The following SHISA6 variants were observed in gnomAD, a reference collection of about 807,000 sequenced individuals.
The protein encoded by SHISA6 is shisa family member 6, also known as protein shisa-6.
In SHISA6, 22 loss-of-function variants were observed where a neutral mutation model predicts 47.9. That is an observed-to-expected ratio of 0.46 (90% CI 0.33 to 0.66). The LOEUF (loss-of-function observed/expected upper bound fraction) is 0.66. Among genes scored for constraint, SHISA6 ranks in the 30% least tolerant of loss-of-function variants. The pLI is 0.02. For missense variants in SHISA6, 680 were observed against 764.6 expected, an observed-to-expected ratio of 0.89 and a Z score of 1.30; for synonymous variants, 388 against 337.8, an observed-to-expected ratio of 1.15 and a Z score of -1.63.
At chr17:11,522,703 C>T (rs55947597) in intron 3 of SHISA6, among the ~76,000 whole-genome samples, 581 of 152,286 alleles carry the variant, frequency 3.8e-3, no homozygotes, top group Non-Finnish European at 6.5e-3. Flanking sequence ...TGGCCTCAAG[C>T]GATCCTCCCG....
chr17:11,406,861 T>G (rs1464962957), intron 3 of SHISA6, among the ~76,000 whole-genome samples: 1 of 152,216 alleles, frequency 6.6e-6, no homozygotes, highest in Non-Finnish European at 1.5e-5. Context: ...ATAATTGGAA[T>G]ATCCAGTCCT....
At chr17:11,350,812 A>G (rs1343189735) in intron 2 of SHISA6, among the ~76,000 whole-genome samples, 1 of 152,202 alleles carries the variant, frequency 6.6e-6, no homozygotes, top group Non-Finnish European at 1.5e-5. Context: ...GCATGGCATA[A>G]AATCATTCTA....
At chr17:11,319,888 T>G (rs984180403) in intron 2 of SHISA6, among the ~76,000 whole-genome samples, 2 of 152,204 alleles carry the variant, frequency 1.3e-5, no homozygotes, top group African/African-American at 4.8e-5. Context: ...TACTGCAGTG[T>G]TAAAAACAAT....
intron 2 of SHISA6, among the ~76,000 whole-genome samples, chr17:11,355,587 C>T (rs1912053528): frequency 6.6e-6 from 1 of 152,156 alleles, no homozygotes; most frequent in Non-Finnish European, 1.5e-5. Flanking sequence ...CAAGCCATGG[C>T]AGAACAAAAC....
At chr17:11,413,100 CCA>C (rs1296701040) in intron 3 of SHISA6, among the ~76,000 whole-genome samples, 1 of 152,126 alleles carries the variant, frequency 6.6e-6, no homozygotes, top group Non-Finnish European at 1.5e-5. Flanking sequence ...GTGGCTTCCT[CCA>C]CACACAGATC....
intron 2 of SHISA6, among the ~76,000 whole-genome samples, chr17:11,351,504 A>C (rs1911891183): frequency 1.3e-5 from 2 of 152,140 alleles, no homozygotes; most frequent in South Asian, 4.1e-4. Flanking sequence ...CAACTCAAGC[A>C]TTACCTCCTC....
intron 2 of SHISA6, among the ~76,000 whole-genome samples, chr17:11,327,628 C>T (rs1025448604): frequency 2.0e-5 from 3 of 152,172 alleles, no homozygotes; most frequent in African/African-American, 7.2e-5. Context: ...AAAACCCCGT[C>T]TCCACTAAAA....
chr17:11,359,290 T>C (rs1912184418), intron 2 of SHISA6, among the ~76,000 whole-genome samples: 1 of 152,248 alleles, frequency 6.6e-6, no homozygotes, highest in South Asian at 2.1e-4. Flanking sequence ...AATTTAAGGC[T>C]ATAACTAAAC....
chr17:11,545,077 G>A (rs1040132050), intron 3 of SHISA6, among the ~76,000 whole-genome samples: 3 of 149,604 alleles, frequency 2.0e-5, no homozygotes, highest in Non-Finnish European at 4.4e-5. Context: ...ACCTGCACAC[G>A]AATGTTGACA....
At chr17:11,297,972 G>A (rs913049043) in intron 2 of SHISA6, among the ~76,000 whole-genome samples, 1 of 152,174 alleles carries the variant, frequency 6.6e-6, no homozygotes, top group Admixed American at 6.5e-5. Context: ...AATGATACTT[G>A]AGGTGAGGTT....
At chr17:11,308,940 C>T (rs1475256842) in intron 2 of SHISA6, among the ~76,000 whole-genome samples, 3 of 152,148 alleles carry the variant, frequency 2.0e-5, no homozygotes, top group Non-Finnish European at 4.4e-5. Flanking sequence ...TGGGCACTGC[C>T]AGTGGAGCAC....
chr17:11,528,098 G>T lies in SHISA6; in HGVS notation c.896-23798G>T, dbSNP rs942603610. On this transcript the variant is annotated intron_variant, in intron 3 of 5. Transcript: ENST00000441885. ...AGTTCCTTCCAAATTTGGGGGGTTG[G>T]GGGTACTTTATAACTGCCTTCATTT... 2.0e-5 allele frequency among the ~76,000 whole-genome samples: 3 copies of T among 152,014 alleles called. No homozygotes were observed. The East Asian group carries it at 5.8e-4, about 29-fold the overall frequency.
At chr17:11,256,428 G>A (rs1441293672) in intron 1 of SHISA6, among the ~76,000 whole-genome samples, 1 of 152,120 alleles carries the variant, frequency 6.6e-6, no homozygotes, top group African/African-American at 2.4e-5. Flanking sequence ...CCAAGGAGGC[G>A]GAGGTTGCAG....
chr17:11,267,144 G>A (rs1908454416), intron 2 of SHISA6, among the ~76,000 whole-genome samples: 1 of 152,162 alleles, frequency 6.6e-6, no homozygotes, highest in Non-Finnish European at 1.5e-5. Context: ...CTTCCAGGAA[G>A]CAGCTTTCCA....
rs116830565 is a variant in SHISA6, at chr17:11,315,743, T to G, written c.799+52217T>G. Among the ~76,000 whole-genome samples, 707 of 152,334 alleles carry G rather than the reference T, an allele frequency of 4.6e-3. 7 individuals carry two copies. Among genetic ancestry groups the G allele is most frequent in the African/African-American group, 0.016 (653 of 41,584 alleles). ...TTCCTAGAATTAATTCACCTTGGCC[T>G]TGATGCTTTATTGTATTACTACACT... On this transcript the variant is annotated intron_variant, in intron 2 of 5. Transcript: ENST00000441885.
intron 2 of SHISA6, among the ~76,000 whole-genome samples, chr17:11,293,607 C>T (rs1909630280): frequency 6.6e-6 from 1 of 152,054 alleles, no homozygotes; most frequent in Non-Finnish European, 1.5e-5. Flanking sequence ...ACAGAAATTC[C>T]CAAATGGGAG....
At chr17:11,377,216 T>C (rs1197785983) in intron 2 of SHISA6, among the ~76,000 whole-genome samples, 1 of 152,208 alleles carries the variant, frequency 6.6e-6, no homozygotes, top group Non-Finnish European at 1.5e-5. Context: ...CCAGCATTTT[T>C]TCTTTTTTCC....
intron 3 of SHISA6, among the ~76,000 whole-genome samples, chr17:11,525,660 A>C (rs1396107432): frequency 1.3e-5 from 2 of 149,448 alleles, no homozygotes; most frequent in East Asian, 3.9e-4. Context: ...AACAAAAAAA[A>C]AAAAACGTGT....
At chr17:11,463,790 A>T (rs1480449903) in intron 3 of SHISA6, among the ~76,000 whole-genome samples, 1 of 152,218 alleles carries the variant, frequency 6.6e-6, no homozygotes, top group Non-Finnish European at 1.5e-5. Context: ...TTTAGGTTAT[A>T]ATACTCACGG....
Sources: gnomAD v4.1 joint callset for allele counts (sites outside exome capture counted in the v4.1 genomes callset) on GRCh38, gnomAD v4.1.1 for gene constraint, MANE v1.5 for transcripts, NCBI Gene and HGNC (gene_info 2026-07-23, HGNC 2026-07-21) for gene names.